Variants in C1orf74 observed in about 807,000 individuals in gnomAD.
The protein encoded by C1orf74 is UPF0739 protein C1orf74.
A neutral mutation model predicts 7.3 loss-of-function variants in C1orf74; 5 were observed. The ratio of observed to expected loss-of-function variants is 0.68; its 90% confidence interval spans 0.36 to 1.44. C1orf74 has a LOEUF of 1.44. Among genes scored for constraint, C1orf74 ranks in the 40% most tolerant of loss-of-function variants. The pLI is 0.04. For synonymous variants in C1orf74, 121 were observed against 132.5 expected, an observed-to-expected ratio of 0.91 and a Z score of 0.59; for missense variants, 291 against 314.3, an observed-to-expected ratio of 0.93 and a Z score of 0.56.
At position 209,781,394 on chromosome 1, in the gene C1orf74, C is replaced by A; in HGVS notation, c.*1431G>T. On this transcript the variant is annotated 3_prime_UTR_variant, in exon 2 of 2. Coordinates refer to ENST00000294811, the MANE Select transcript of C1orf74 (RefSeq NM_152485.4). Reference sequence around the variant, plus strand: ...GACAACCTCAGTGACGAGTATCTCTCCTGCCTGCGTAAGCTGCAGCACTGT... The same window carrying A: ...GACAACCTCAGTGACGAGTATCTCTACTGCCTGCGTAAGCTGCAGCACTGT... 1 of 1,613,768 alleles carries A rather than the reference C, an allele frequency of 6.2e-7. No individual in the cohort carries two copies. The highest frequency in any genetic ancestry group is 1.7e-4 in the Middle Eastern group (1 of 6,058).
At position 209,780,116 on chromosome 1, in the gene C1orf74, G is replaced by A. The variant is rs1246168331; in HGVS notation, c.*2709C>T. 6.1e-6 allele frequency: 1 copy of A among 163,234 alleles called. No individual in the cohort carries two copies. Among genetic ancestry groups the A allele is most frequent in the Non-Finnish European group, 1.3e-5 (1 of 75,928 alleles). The allele number at this position is 163,234 out of a possible 1,614,324, so 10.1% of individuals were successfully genotyped here. A position where few individuals can be genotyped will look rare whatever the true frequency, so the allele number is the denominator to read the frequency against. ...TCAAATGAGGACATCAGGGAAAAGG[G>A]ATTGTATTAAAGCATTTACCAAACT... On this transcript the variant is annotated 3_prime_UTR_variant, in exon 2 of 2. Coordinates refer to ENST00000294811, the MANE Select transcript of C1orf74 (RefSeq NM_152485.4).
chr1:209,781,850 G>C lies in C1orf74; in HGVS notation c.*975C>G. The C allele has an allele frequency of 3.5e-6, 2 of 574,132 alleles. No individual in the cohort carries two copies. The highest frequency in any genetic ancestry group is 6.2e-6 in the Non-Finnish European group (2 of 320,598). The allele number at this position is 574,132 out of a possible 1,614,324, so 35.6% of individuals were successfully genotyped here. A position where few individuals can be genotyped will look rare whatever the true frequency, so the allele number is the denominator to read the frequency against. ...AGTATTTATATATCTGGTCCCTGAT[G>C]GATACGGCTCCCTGGGCCAGAGAAC... On this transcript the variant is annotated 3_prime_UTR_variant, in exon 2 of 2. Coordinates refer to ENST00000294811, the MANE Select transcript of C1orf74 (RefSeq NM_152485.4).
In C1orf74 at chr1:209,780,807, GT is replaced by G; in HGVS notation, c.*2017del. Reference sequence around the variant, plus strand: ...TTATTTATACCAACTCCTATTCAAGGTTTTATTAAATGATTACCTTTTAGAA... The same window carrying G: ...TTATTTATACCAACTCCTATTCAAGGTTTATTAAATGATTACCTTTTAGAA... On this transcript the variant is annotated 3_prime_UTR_variant, in exon 2 of 2. Coordinates refer to ENST00000294811, the MANE Select transcript of C1orf74 (RefSeq NM_152485.4). 2.7e-6 allele frequency: 1 copy of G among 368,916 alleles called. No homozygotes were observed. The highest frequency in any genetic ancestry group is 4.7e-6 in the Non-Finnish European group (1 of 214,498). The allele number at this position is 368,916 out of a possible 1,614,324, so 22.9% of individuals were successfully genotyped here. A position where few individuals can be genotyped will look rare whatever the true frequency, so the allele number is the denominator to read the frequency against.
chr1:209,783,663 T>A lies in C1orf74; in HGVS notation c.-29A>T. The A allele has an allele frequency of 6.5e-7, 1 of 1,527,564 alleles. No homozygotes were observed. The highest frequency in any genetic ancestry group is 8.8e-7 in the Non-Finnish European group (1 of 1,135,662). The allele number at this position is 1,527,564 out of a possible 1,614,324, so 94.6% of individuals were successfully genotyped here. A position where few individuals can be genotyped will look rare whatever the true frequency, so the allele number is the denominator to read the frequency against. On this transcript the variant is annotated 5_prime_UTR_variant, in exon 2 of 2. Transcript: ENST00000294811. ...GAATGGCCTCCTTAGCTAGCCCGAG[T>A]TCCCTTCCCTGGGTGGCATCTTTCA...
chr1:209,781,091 C>G lies in C1orf74; in HGVS notation c.*1734G>C, dbSNP rs950365189. The G allele has an allele frequency of 4.1e-6, 1 of 242,024 alleles. No individual in the cohort carries two copies. Among genetic ancestry groups the G allele is most frequent in the South Asian group, 6.3e-5 (1 of 15,978 alleles). The allele number at this position is 242,024 out of a possible 1,614,324, so 15.0% of individuals were successfully genotyped here. A position where few individuals can be genotyped will look rare whatever the true frequency, so the allele number is the denominator to read the frequency against. On this transcript the variant is annotated 3_prime_UTR_variant, in exon 2 of 2. Coordinates refer to ENST00000294811, the MANE Select transcript of C1orf74 (RefSeq NM_152485.4). ...GTCTCTCATTTGCAAAGCACTTGCACGTAAAGTCATATAAAAGAACTTAAA... is the reference window on the plus strand; with the variant it reads ...GTCTCTCATTTGCAAAGCACTTGCAGGTAAAGTCATATAAAAGAACTTAAA...
rs1482419570 is a variant in C1orf74 at position 209,781,410 on chromosome 1, G to T, written c.*1415C>A. 1 of 1,613,648 alleles carries T rather than the reference G, an allele frequency of 6.2e-7. No individual in the cohort carries two copies. Among genetic ancestry groups the T allele is most frequent in the East Asian group, 2.2e-5 (1 of 44,876 alleles). ...AGTATCTCTCCTGCCTGCGTAAGCT[G>T]CAGCACTGTCGAGAAGAGCTGAACC... On this transcript the variant is annotated 3_prime_UTR_variant, in exon 2 of 2. Transcript: ENST00000294811.
chr1:209,780,472 C>A lies in C1orf74; in HGVS notation c.*2353G>T. The A allele has an allele frequency of 1.9e-6, 3 of 1,556,268 alleles. No individual in the cohort carries two copies. The highest frequency in any genetic ancestry group is 2.6e-6 in the Non-Finnish European group (3 of 1,146,912). ...CAAGAATCTGGCTGCTTTTTTAGAT[C>A]AGGCTTTGCCCGTGTGGAGTCCAAA... On this transcript the variant is annotated 3_prime_UTR_variant, in exon 2 of 2. Transcript: ENST00000294811.
In C1orf74 at chr1:209,782,859, G is replaced by C. The variant is rs992426050; in HGVS notation, c.776C>G (p.Ser259Cys). ...CACAGCCGGCAGTGTGACTATCTCA[G>C]AGGAGATGCTGAGATCAGCAAAGTC... ...QNDFADLSIS[S>C]EIVTLPAVAL is the part of the protein sequence containing the mutation. Residue 259 changes from serine (S) to cysteine (C), a missense_variant, in exon 2 of 2, where the codon TCT becomes TGT. Coordinates refer to ENST00000294811, the MANE Select transcript of C1orf74 (RefSeq NM_152485.4). The C allele has an allele frequency of 3.7e-6, 6 of 1,613,930 alleles. No individual in the cohort carries two copies. In the African/African-American group the frequency reaches 5.3e-5, roughly 14 times the overall value.
At position 209,780,044 on chromosome 1, in the gene C1orf74, A is replaced by G. The variant is rs1284512934; in HGVS notation, c.*2781T>C. 2 of 157,306 alleles carry G rather than the reference A, an allele frequency of 1.3e-5. No individual in the cohort carries two copies. The highest frequency in any genetic ancestry group is 4.8e-5 in the African/African-American group (2 of 41,610). 9.7% of individuals were successfully genotyped at this position (157,306 alleles called of 1,614,324 possible). On this transcript the variant is annotated 3_prime_UTR_variant, in exon 2 of 2. Coordinates refer to ENST00000294811, the MANE Select transcript of C1orf74 (RefSeq NM_152485.4). ...CAGGGTGGCTAAAAAACCATCTTTAACCATATGAAGATAAATTTTAGGATA... is the reference window on the plus strand; with the variant it reads ...CAGGGTGGCTAAAAAACCATCTTTAGCCATATGAAGATAAATTTTAGGATA...
At position 209,780,508 on chromosome 1, in the gene C1orf74, A is replaced by G. The variant is rs1008434557; in HGVS notation, c.*2317T>C. On this transcript the variant is annotated 3_prime_UTR_variant, in exon 2 of 2. Transcript: ENST00000294811. The stretch of plus-strand genomic sequence containing the variant: ...CGTGTGGAGTCCAAAGTCCTTCCCT[A>G]ACGAAGTGGAGCCTGAGGGTACAGG... The G allele has an allele frequency of 6.2e-7, 1 of 1,601,416 alleles. No individual in the cohort carries two copies. Among genetic ancestry groups the G allele is most frequent in the Non-Finnish European group, 8.5e-7 (1 of 1,173,646 alleles).
At chr1:209,783,916 T>TG (rs1193385327) in intron 1 of C1orf74, among the ~76,000 whole-genome samples, 1 of 152,190 alleles carries the variant, frequency 6.6e-6, no homozygotes, top group Non-Finnish European at 1.5e-5. Context: ...GCTAGATTTA[T>TG]ATTCCCTCTG....
At position 209,780,577 on chromosome 1, in the gene C1orf74, A is replaced by G. The variant is rs149029208; in HGVS notation, c.*2248T>C. ...TCTCAGAGACCAGCTGCAAAAGAAG[A>G]CTTTGCAGCTCCAGGCCAAGGAAAA... is the stretch of plus-strand genomic sequence containing the variant. On this transcript the variant is annotated 3_prime_UTR_variant, in exon 2 of 2. Coordinates refer to ENST00000294811, the MANE Select transcript of C1orf74 (RefSeq NM_152485.4). 1.9e-5 allele frequency: 31 copies of G among 1,597,250 alleles called. No individual in the cohort carries two copies. The highest frequency in any genetic ancestry group is 3.4e-5 in the Admixed American group (2 of 58,604).
rs1327780105 is a variant in C1orf74, at chr1:209,782,215, T to C, written c.*610A>G. The C allele has an allele frequency of 2.3e-6, 3 of 1,280,900 alleles. No homozygotes were observed. The highest frequency in any genetic ancestry group is 2.3e-6 in the Non-Finnish European group (2 of 876,854). 79.3% of individuals were successfully genotyped at this position (1,280,900 alleles called of 1,614,324 possible). A position where few individuals can be genotyped will look rare whatever the true frequency, so the allele number is the denominator to read the frequency against. ...CAACTCAGCGAAAAACTCAGAAGGT[T>C]TGGGTACATTACAGCTTGGGTTTTC... On this transcript the variant is annotated 3_prime_UTR_variant, in exon 2 of 2. Coordinates refer to ENST00000294811, the MANE Select transcript of C1orf74 (RefSeq NM_152485.4).
Position 209,784,548 on chromosome 1 carries a change from C to T in C1orf74, c.-246G>A, listed in dbSNP as rs1010146387. On this transcript the variant is annotated 5_prime_UTR_variant, in exon 1 of 2. Transcript: ENST00000294811. The stretch of plus-strand genomic sequence containing the variant: ...CGCTCTGCTCCAGTCCCGCAGGCAC[C>T]TTCTTGCGCATGCGCACCCACTCGA... The T allele has an allele frequency of 3.9e-5, 6 of 152,308 alleles. No individual in the cohort carries two copies. The highest frequency in any genetic ancestry group is 1.4e-4 in the African/African-American group (6 of 41,488). The allele number at this position is 152,308 out of a possible 1,614,324, so 9.4% of individuals were successfully genotyped here.
At chr1:209,783,846 A>T in intron 1 of C1orf74, 137 bp from the exon 2 acceptor site, 1 of 488,986 alleles carries the variant, frequency 2.0e-6, no homozygotes, top group African/African-American at 2.0e-5. Context: ...ATGCTGCTTG[A>T]TTTTTCTGGT....
At position 209,783,453 on chromosome 1, in the gene C1orf74, G is replaced by A; in HGVS notation, c.182C>T (p.Ala61Val). ...ATAGCTCTGGAGCTCTGATGCCCCT[G>A]CACAGTTGCAATCATAGAGCACAGC... ...KPAVLYDCNC[A>V]GASELQSYLE... The change falls in exon 2 of 2, where the codon GCA becomes GTA. Residue 61 changes from alanine (A) to valine (V), a missense_variant. Coordinates refer to ENST00000294811, the MANE Select transcript of C1orf74 (RefSeq NM_152485.4). The A allele has an allele frequency of 6.2e-7, 1 of 1,614,054 alleles. No individual in the cohort carries two copies. The highest frequency in any genetic ancestry group is 8.5e-7 in the Non-Finnish European group (1 of 1,180,000).
Position 209,781,549 on chromosome 1 carries a change from C to A in C1orf74, c.*1276G>T. 1 of 897,220 alleles carries A rather than the reference C, an allele frequency of 1.1e-6. No homozygotes were observed. The highest frequency in any genetic ancestry group is 1.4e-5 in the South Asian group (1 of 70,666). 55.6% of individuals were successfully genotyped at this position (897,220 alleles called of 1,614,324 possible). A position where few individuals can be genotyped will look rare whatever the true frequency, so the allele number is the denominator to read the frequency against. ...TGCACATAAAATATATCAGCCCACG[C>A]CAACAACTGGCCATCCTGTCCCACT... On this transcript the variant is annotated 3_prime_UTR_variant, in exon 2 of 2. Transcript: ENST00000294811.
chr1:209,779,405 A>T lies in C1orf74; in HGVS notation c.*3420T>A. 1.3e-6 allele frequency: 2 copies of T among 1,592,322 alleles called. No individual in the cohort carries two copies. The highest frequency in any genetic ancestry group is 1.7e-6 in the Non-Finnish European group (2 of 1,160,214). ...CAAATTTATTACCACAAATTCTAAGATATTGCTCTTCTCTTACCTGCCTAG... is the reference window on the plus strand; with the variant it reads ...CAAATTTATTACCACAAATTCTAAGTTATTGCTCTTCTCTTACCTGCCTAG... On this transcript the variant is annotated 3_prime_UTR_variant, in exon 2 of 2. Coordinates refer to ENST00000294811, the MANE Select transcript of C1orf74 (RefSeq NM_152485.4).
At position 209,782,783 on chromosome 1, in the gene C1orf74, G is replaced by C; in HGVS notation, c.*42C>G. On this transcript the variant is annotated 3_prime_UTR_variant, in exon 2 of 2. Coordinates refer to ENST00000294811, the MANE Select transcript of C1orf74 (RefSeq NM_152485.4). Reference sequence around the variant, plus strand: ...TATTTGCCATCCCCAACCTAGAGATGATCATTTACTGAGTACCTTCTATAT... The same window carrying C: ...TATTTGCCATCCCCAACCTAGAGATCATCATTTACTGAGTACCTTCTATAT... 1 of 1,575,784 alleles carries C rather than the reference G, an allele frequency of 6.3e-7. No individual in the cohort carries two copies. The highest frequency in any genetic ancestry group is 1.7e-5 in the Admixed American group (1 of 58,340).
Sources: allele counts gnomAD v4.1 joint callset (sites outside exome capture counted in the v4.1 genomes callset), GRCh38; gene constraint gnomAD v4.1.1; transcripts MANE v1.5; gene names NCBI Gene and HGNC (gene_info 2026-07-23, HGNC 2026-07-21).